Variants in LDB3 observed in about 807,000 individuals in gnomAD.
LDB3 encodes the protein LIM domain-binding protein 3.
A neutral mutation model predicts 69.0 loss-of-function variants in LDB3; 49 were observed. That is an observed-to-expected ratio of 0.71 (90% CI 0.56 to 0.90). LDB3 has a LOEUF of 0.90. LDB3 is among the 40% of genes least tolerant of loss of function. The pLI, the probability that LDB3 is intolerant of heterozygous loss-of-function variation, is 0.00. For missense variants in LDB3, 928 were observed against 974.1 expected, an observed-to-expected ratio of 0.95 and a Z score of 0.63; for synonymous variants, 387 against 396.2, an observed-to-expected ratio of 0.98 and a Z score of 0.28.
At position 86,692,616 on chromosome 10, in the gene LDB3, G is replaced by A. The variant is rs11202128; in HGVS notation, c.896+45G>A. The A allele has an allele frequency of 2.7e-3, 4,274 of 1,578,710 alleles. 94 individuals carry two copies. In the African/African-American group the frequency reaches 0.051, roughly 19 times the overall value. ...CTCTGTGGCCTTGCCCTCTAGCCCC[G>A]TCCCTCCCCGGGCAGCCCCCAGGTC... On this transcript the variant is annotated intron_variant, in intron 7 of 13. Transcript: ENST00000361373.
intron 9 of LDB3, among the ~76,000 whole-genome samples, chr10:86,710,494 G>A (rs895340898): frequency 3.3e-5 from 5 of 152,212 alleles, no homozygotes; most frequent in Non-Finnish European, 7.3e-5. Flanking sequence ...GGAGGCTGAG[G>A]CAGGAGAATC....
Position 86,716,629 on chromosome 10 carries a change from C to T in LDB3, c.1534C>T (p.Gln512Ter). 1.2e-6 allele frequency: 2 copies of T among 1,613,938 alleles called. No homozygotes were observed. The highest frequency in any genetic ancestry group is 2.2e-5 in the East Asian group (1 of 44,858). ...PGKSTTSISKQTLPRGGPAYT... is the reference protein window; with the variant it reads ...PGKSTTSISK ...CAAGAGCACCACCTCCATCAGCAAG[C>T]AGACCCTGCCCCGGGGAGGCCCAGC... The change falls in exon 10 of 14, where the codon CAG (glutamine) becomes TAG (stop). Residue 512 changes from glutamine (Q) to a stop codon, truncating the protein, a stop_gained. Transcript: ENST00000361373. LOFTEE classifies it high-confidence loss of function.
intron 12 of LDB3, among the ~76,000 whole-genome samples, chr10:86,723,810 C>G (rs1404179518): frequency 6.6e-6 from 1 of 152,162 alleles, no homozygotes; most frequent in African/African-American, 2.4e-5. Context: ...TGACAAGCTA[C>G]AATTAAGCAC....
chr10:86,720,281 C>T (rs1319753777), intron 12 of LDB3, among the ~76,000 whole-genome samples: 1 of 151,958 alleles, frequency 6.6e-6, no homozygotes, highest in Non-Finnish European at 1.5e-5. Context: ...CCCATCTCTA[C>T]AAAAATACGA....
rs1043394569 is a variant in LDB3 at position 86,712,797 on chromosome 10, A to G, written c.1231+2747A>G. ...GATATCAGGCCGGACGCAGTGGCTCACGCCAGTAATCCCAGCACTTTGGGA... is the reference window on the plus strand; with the variant it reads ...GATATCAGGCCGGACGCAGTGGCTCGCGCCAGTAATCCCAGCACTTTGGGA... On this transcript the variant is annotated intron_variant, in intron 9 of 13. Coordinates refer to ENST00000361373, the MANE Select transcript of LDB3 (RefSeq NM_007078.3). 2.6e-5 allele frequency among the ~76,000 whole-genome samples: 4 copies of G among 152,348 alleles called. No homozygotes were observed. The East Asian group carries it at 7.7e-4, about 29-fold the overall frequency.
Position 86,681,477 on chromosome 10 carries a change from C to T in LDB3, c.363C>T (p.Ser121=). ...LDTNGSLVAP[S]PSPEARASPG... ...CGAACGGCAGCCTGGTGGCACCCAG[C>T]CCCAGCCCTGAGGCGAGGGCCAGCC... The change falls in exon 5 of 14, where the codon AGC becomes AGT. Residue 121 remains serine, a synonymous_variant. Coordinates refer to ENST00000361373, the MANE Select transcript of LDB3 (RefSeq NM_007078.3). 6.2e-7 allele frequency: 1 copy of T among 1,607,730 alleles called. No homozygotes were observed. The highest frequency in any genetic ancestry group is 1.1e-5 in the South Asian group (1 of 91,056).
chr10:86,692,069 A>G lies in LDB3; in HGVS notation c.859+4A>G. 1 of 1,613,980 alleles carries G rather than the reference A, an allele frequency of 6.2e-7. No individual in the cohort carries two copies. Among genetic ancestry groups the G allele is most frequent in the Non-Finnish European group, 8.5e-7 (1 of 1,180,040 alleles). ...CAGATGACGGGGACAGAATTCAGTG[A>G]GTGCAGGCTCTCAGGGTGGCTGCAG... On this transcript the variant is annotated splice_donor_region_variant and intron_variant, in intron 6 of 13. Transcript: ENST00000361373.
chr10:86,692,631 GC>G, intron 7 of LDB3, 60 bp downstream of exon 7: 2 of 1,491,900 alleles, frequency 1.3e-6, no homozygotes, highest in Non-Finnish European at 9.4e-7. Flanking sequence ...TCCCCGGGCA[GC>G]CCCCAGGTCA....
At chr10:86,693,857 G>A (rs1360916150) in intron 7 of LDB3, among the ~76,000 whole-genome samples, 1 of 152,200 alleles carries the variant, frequency 6.6e-6, no homozygotes, top group Non-Finnish European at 1.5e-5. Context: ...CTGCTTCAGT[G>A]TGCAATGCAG....
intron 2 of LDB3, among the ~76,000 whole-genome samples, chr10:86,678,776 C>G (rs891803950): frequency 4.6e-5 from 7 of 152,108 alleles, no homozygotes; most frequent in Non-Finnish European, 8.8e-5. Context: ...GTAGCTAGAA[C>G]TACAGCCATG....
At chr10:86,677,410 C>T (rs901108312) in intron 2 of LDB3, among the ~76,000 whole-genome samples, 2 of 152,176 alleles carry the variant, frequency 1.3e-5, no homozygotes, top group African/African-American at 2.4e-5. Flanking sequence ...ATTAGAACCT[C>T]TGAAATTTTG....
intron 5 of LDB3, among the ~76,000 whole-genome samples, chr10:86,687,607 C>A (rs1444357212): frequency 6.6e-6 from 1 of 152,224 alleles, no homozygotes; most frequent in African/African-American, 2.4e-5. Context: ...ATTCTGGAGG[C>A]CCCCAGGCCT....
At chr10:86,717,306 TACG>T (rs1324856642) in intron 10 of LDB3, among the ~76,000 whole-genome samples, 1 of 152,202 alleles carries the variant, frequency 6.6e-6, no homozygotes, top group Non-Finnish European at 1.5e-5. Flanking sequence ...TGAGCTTATA[TACG>T]TGAAAAATAC....
chr10:86,690,866 G>A (rs1184880540), intron 5 of LDB3, among the ~76,000 whole-genome samples: 1 of 152,212 alleles, frequency 6.6e-6, no homozygotes, highest in Non-Finnish European at 1.5e-5. Flanking sequence ...CACCCAATGG[G>A]GCCCTTATCT....
intron 2 of LDB3, among the ~76,000 whole-genome samples, chr10:86,668,991 G>A (rs374213838): frequency 3.3e-5 from 5 of 152,198 alleles, no homozygotes; most frequent in African/African-American, 9.7e-5. Context: ...GAGACATCAT[G>A]AGCAGGTGGT....
chr10:86,679,863 T>C (rs1045301534), intron 3 of LDB3, among the ~76,000 whole-genome samples: 1 of 152,180 alleles, frequency 6.6e-6, no homozygotes. Flanking sequence ...CTGACCAAAA[T>C]GCCCAGGGGC....
chr10:86,681,596 C>T lies in LDB3; in HGVS notation c.482C>T (p.Pro161Leu). The change falls in exon 5 of 14, where the codon CCT becomes CTT. Residue 161 changes from proline (P) to leucine (L), a missense_variant. Transcript: ENST00000361373. ...AFSSLAEASD[P>L]GPPRASLRAK... ...TCCTCACTCGCCGAGGCCTCTGACC[C>T]TGGCCCTCCGCGGGCCAGCCTGAGG... The T allele has an allele frequency of 3.1e-6, 5 of 1,613,060 alleles. No homozygotes were observed. Among genetic ancestry groups the T allele is most frequent in the Non-Finnish European group, 4.2e-6 (5 of 1,179,770 alleles).
chr10:86,724,986 A>G (rs1847206645), intron 12 of LDB3, among the ~76,000 whole-genome samples: 1 of 152,168 alleles, frequency 6.6e-6, no homozygotes. Context: ...TCAGAGTCCA[A>G]TTTTGTAACC....
intron 7 of LDB3, among the ~76,000 whole-genome samples, chr10:86,694,993 G>A (rs2132425962): frequency 6.6e-6 from 1 of 152,300 alleles, no homozygotes; most frequent in Admixed American, 6.5e-5. Context: ...GGGATTCTCA[G>A]GGTCTCTCTT....
Sources: allele counts gnomAD v4.1 joint callset (sites outside exome capture counted in the v4.1 genomes callset), GRCh38; gene constraint gnomAD v4.1.1; transcripts MANE v1.5; gene names NCBI Gene and HGNC (gene_info 2026-07-23, HGNC 2026-07-21).